FGF7: variants seen among roughly 807,000 people sequenced by gnomAD.
FGF7 encodes the protein fibroblast growth factor 7.
A neutral mutation model predicts 20.5 loss-of-function variants in FGF7; 6 were observed. The ratio of observed to expected loss-of-function variants is 0.29; its 90% CI spans 0.16 to 0.58. The LOEUF (loss-of-function observed/expected upper bound fraction) is 0.58, where lower values mean the gene tolerates loss of function less well. Among genes scored for constraint, FGF7 ranks in the 20% least tolerant of loss-of-function variants. The pLI is 0.90. For synonymous variants in FGF7, 64 were observed against 74.7 expected, an observed-to-expected ratio of 0.86 and a Z score of 0.74; for missense variants, 144 against 228.8, an observed-to-expected ratio of 0.63 and a Z score of 2.39.
At chr15:49,440,086 G>A (rs1312131687) in intron 2 of FGF7, among the ~76,000 whole-genome samples, 4 of 151,746 alleles carry the variant, frequency 2.6e-5, no homozygotes, top group South Asian at 2.1e-4. Context: ...ACTGAGTCAC[G>A]AAAAGATAAC....
In FGF7 at chr15:49,423,261, C is replaced by T. The variant is rs1465137734; in HGVS notation, c.-446C>T. The T allele has an allele frequency of 6.6e-6, 1 of 152,284 alleles. No homozygotes were observed. The highest frequency in any genetic ancestry group is 6.6e-5 in the Admixed American group (1 of 15,254). 9.4% of individuals were successfully genotyped at this position (152,284 alleles called of 1,614,324 possible). On this transcript the variant is annotated 5_prime_UTR_variant, in exon 1 of 4. Transcript: ENST00000267843. ...AGGCTCACACACACACACAAGCACA[C>T]ACGCGCTCACACACAGAGAGAAAAT... is the stretch of plus-strand genomic sequence containing the variant.
chr15:49,430,274 T>C (rs2050484616), intron 2 of FGF7, among the ~76,000 whole-genome samples: 1 of 151,900 alleles, frequency 6.6e-6, no homozygotes, highest in African/African-American at 2.4e-5. Flanking sequence ...TCTGCATCTC[T>C]TCTGACACTT....
At chr15:49,461,952 T>C (rs2053837431) in intron 2 of FGF7, among the ~76,000 whole-genome samples, 3 of 152,138 alleles carry the variant, frequency 2.0e-5, no homozygotes. Flanking sequence ...GGCAGATTAC[T>C]TGAGGTAAGG....
At chr15:49,444,540 A>G (rs1362245183) in intron 2 of FGF7, among the ~76,000 whole-genome samples, 1 of 151,740 alleles carries the variant, frequency 6.6e-6, no homozygotes, top group Non-Finnish European at 1.5e-5. Context: ...GTCTAATTAC[A>G]TTCAGTTAAA....
chr15:49,459,446 TTTC>T (rs2053596504), intron 2 of FGF7, among the ~76,000 whole-genome samples: 2 of 152,038 alleles, frequency 1.3e-5, no homozygotes, highest in South Asian at 2.1e-4. Flanking sequence ...TGCTGTTTTC[TTTC>T]TTTTCTTTTT....
chr15:49,481,978 T>TA (rs994063524), intron 2 of FGF7, among the ~76,000 whole-genome samples: 12 of 151,918 alleles, frequency 7.9e-5, no homozygotes, highest in Non-Finnish European at 1.3e-4. Flanking sequence ...AAAAATGAAG[T>TA]AAAAAAAATA....
At chr15:49,484,191 G>C (rs2056201482) in intron 3 of FGF7, 119 bp from the exon 4 acceptor site, 1 of 632,378 alleles carries the variant, frequency 1.6e-6, no homozygotes, top group Non-Finnish European at 2.7e-6. Context: ...CTCAATCTGA[G>C]GGTTAAAAAA....
chr15:49,435,688 C>T (rs557622321), intron 2 of FGF7, among the ~76,000 whole-genome samples: 2 of 151,482 alleles, frequency 1.3e-5, no homozygotes, highest in South Asian at 4.2e-4. Flanking sequence ...ATAATAGATA[C>T]CCCAAAGAAG....
At chr15:49,476,627 A>C (rs1567352616) in intron 2 of FGF7, among the ~76,000 whole-genome samples, 3 of 152,080 alleles carry the variant, frequency 2.0e-5, no homozygotes, top group African/African-American at 2.4e-5. Context: ...TGTTCTATAT[A>C]TTTTGGACAT....
Position 49,457,527 on chromosome 15 carries a change from A to AT in FGF7, c.287-25623dup, listed in dbSNP as rs576513736. 2.0e-3 allele frequency among the ~76,000 whole-genome samples: 298 copies of AT among 152,144 alleles called. 2 individuals carry two copies. The highest frequency in any genetic ancestry group is 6.9e-3 in the African/African-American group (286 of 41,578). ...TTTTCTTAAAAATCTATAACATTTT[A>AT]TAAGTAACTACATTATCAAATTCCT... On this transcript the variant is annotated intron_variant, in intron 2 of 3. Coordinates refer to ENST00000267843, the MANE Select transcript of FGF7 (RefSeq NM_002009.4).
At chr15:49,429,095 G>A (rs1033670442) in intron 2 of FGF7, among the ~76,000 whole-genome samples, 1 of 151,908 alleles carries the variant, frequency 6.6e-6, no homozygotes, top group African/African-American at 2.4e-5. Context: ...ACAGTTCTTA[G>A]CAAGTTATCT....
chr15:49,434,513 G>C (rs1462593939), intron 2 of FGF7: 1 of 151,478 alleles, frequency 6.6e-6, no homozygotes, highest in Non-Finnish European at 1.5e-5. Context: ...CCTGAAGGAT[G>C]AAAGGACAAA....
chr15:49,428,629 T>G (rs1408916946), intron 2 of FGF7, among the ~76,000 whole-genome samples: 1 of 151,996 alleles, frequency 6.6e-6, no homozygotes, highest in African/African-American at 2.4e-5. Context: ...GGGCACTCAG[T>G]GACCGCCTTG....
At chr15:49,473,668 T>G (rs1177467658) in intron 2 of FGF7, among the ~76,000 whole-genome samples, 1 of 152,158 alleles carries the variant, frequency 6.6e-6, no homozygotes, top group African/African-American at 2.4e-5. Context: ...AGAATAAAAC[T>G]ATTTCTCTTA....
chr15:49,440,554 C>T (rs1240251914), intron 2 of FGF7, among the ~76,000 whole-genome samples: 1 of 151,638 alleles, frequency 6.6e-6, no homozygotes, highest in Non-Finnish European at 1.5e-5. Context: ...AGTCATACAG[C>T]TAAAATAAAA....
At chr15:49,455,782 G>A (rs1317680320) in intron 2 of FGF7, among the ~76,000 whole-genome samples, 1 of 152,104 alleles carries the variant, frequency 6.6e-6, no homozygotes, top group Non-Finnish European at 1.5e-5. Context: ...ATGGTCAATA[G>A]AAGAAATTTT....
intron 2 of FGF7, among the ~76,000 whole-genome samples, chr15:49,431,635 A>G (rs998710797): frequency 6.6e-6 from 1 of 151,778 alleles, no homozygotes; most frequent in Non-Finnish European, 1.5e-5. Context: ...AGTGGTCATG[A>G]GTACTTGATA....
At chr15:49,483,292 C>T in intron 3 of FGF7, 38 bp downstream of exon 3, 1 of 1,052,372 alleles carries the variant, frequency 9.5e-7, no homozygotes. Flanking sequence ...ATTTTTAAAA[C>T]TCATTTTTGT....
At chr15:49,427,275 G>T (rs2050209375) in intron 2 of FGF7, among the ~76,000 whole-genome samples, 2 of 151,968 alleles carry the variant, frequency 1.3e-5, no homozygotes, top group Admixed American at 1.3e-4. Flanking sequence ...GACATTTGAA[G>T]ATTGTTTACA....
Sources: allele counts gnomAD v4.1 joint callset (sites outside exome capture counted in the v4.1 genomes callset), GRCh38; gene constraint gnomAD v4.1.1; transcripts MANE v1.5; gene names NCBI Gene and HGNC (gene_info 2026-07-23, HGNC 2026-07-21).